DNAH9: variants seen among roughly 807,000 people sequenced by gnomAD.
DNAH9 encodes the protein dynein axonemal heavy chain 9.
Under a neutral mutation model 471.6 loss-of-function variants are expected in DNAH9, and 345 were observed. That is an observed-to-expected ratio of 0.73 (90% CI 0.67 to 0.80). The LOEUF (loss-of-function observed/expected upper bound fraction) is 0.80, where lower values mean the gene tolerates loss of function less well. Ranked by LOEUF, DNAH9 falls within the 30% of genes least tolerant of loss-of-function variation. DNAH9 has a pLI of 0.00. For missense variants in DNAH9, 5,407 were observed against 5,609.2 expected, an observed-to-expected ratio of 0.96 and a Z score of 1.15; for synonymous variants, 2,093 against 2,123.6, an observed-to-expected ratio of 0.99 and a Z score of 0.40.
chr17:11,959,010 G>T (rs911410009), intron 67 of DNAH9, among the ~76,000 whole-genome samples: 1 of 151,990 alleles, frequency 6.6e-6, no homozygotes, highest in Non-Finnish European at 1.5e-5. Context: ...CCATATTAAT[G>T]TGCTACATTT....
At chr17:11,694,857 CTTCCTTCCTTCCTTCT>C (rs1164747417) in intron 22 of DNAH9, among the ~76,000 whole-genome samples, 68 of 568 alleles carry the variant, frequency 0.12, 31 homozygotes, top group African/African-American at 0.16. Context: ...TCCTTCCTTC[CTTCCTTCCTTCCTTCT>C]TTCTTTCTTT....
chr17:11,751,099 A>G (rs1358205278), intron 32 of DNAH9, among the ~76,000 whole-genome samples: 1 of 152,014 alleles, frequency 6.6e-6, no homozygotes, highest in Non-Finnish European at 1.5e-5. Context: ...GATGACACAT[A>G]CTTGAAAAAC....
intron 65 of DNAH9, 127 bp downstream of exon 65, chr17:11,934,198 C>A: frequency 9.6e-7 from 1 of 1,037,250 alleles, no homozygotes; most frequent in Non-Finnish European, 1.4e-6. Flanking sequence ...CAGGCAGGGG[C>A]TGAGGCAAAA....
At chr17:11,630,772 C>T (rs1026178742) in intron 7 of DNAH9, among the ~76,000 whole-genome samples, 1 of 151,866 alleles carries the variant, frequency 6.6e-6, no homozygotes, top group African/African-American at 2.4e-5. Flanking sequence ...AGGGTAGATC[C>T]TAAGTGTTCT....
In DNAH9 at chr17:11,807,781, G is replaced by T. The variant is rs763406086; in HGVS notation, c.8470G>T (p.Val2824Phe). 1 of 1,613,866 alleles carries T rather than the reference G, an allele frequency of 6.2e-7. No homozygotes were observed. Among genetic ancestry groups the T allele is most frequent in the Non-Finnish European group, 8.5e-7 (1 of 1,179,800 alleles). The change falls in exon 44 of 69, where the codon GTT becomes TTT. Residue 2824 changes from valine to phenylalanine, a missense_variant. Val to Phe is a conservative substitution (Grantham distance 50). Transcript: ENST00000262442. The stretch of plus-strand genomic sequence containing the variant: ...GTCCCCGCGGGGAAATGCTCTGCTG[G>T]TTGGTGTAGGTGGGAGCGGCAAGCA... Reference protein sequence around the residue: ...LESPRGNALLVGVGGSGKQSL... With the variant: ...LESPRGNALLFGVGGSGKQSL...
At chr17:11,797,517 GCAAAT>G in intron 42 of DNAH9, 75 bp from the exon 43 acceptor site, 1 of 1,208,826 alleles carries the variant, frequency 8.3e-7, no homozygotes, top group East Asian at 2.4e-5. Flanking sequence ...AATGTGCAGA[GCAAAT>G]CAGGTGTCTC....
chr17:11,854,060 A>C lies in DNAH9; in HGVS notation c.9565A>C (p.Ser3189Arg). 2 of 1,614,172 alleles carry C rather than the reference A, an allele frequency of 1.2e-6. No individual in the cohort carries two copies. The highest frequency in any genetic ancestry group is 1.7e-6 in the Non-Finnish European group (2 of 1,180,038). The change falls in exon 50 of 69, where the codon AGC becomes CGC. Residue 3189 changes from serine to arginine, a missense_variant. This residue lies in a region of DNAH9 where 4,636 missense variants were observed against 4,900.3 expected (regional missense o/e 0.95). Transcript: ENST00000262442. ...GSPPLAVSNV[S>R]AAVMVLMAPR... ...TCCGCCTCTGGCCGTCAGCAATGTC[A>C]GCGCTGCGGTGATGGTACTGATGGC...
At chr17:11,875,218 C>T (rs1473852493) in intron 53 of DNAH9, 34 bp downstream of exon 53, 3 of 1,569,474 alleles carry the variant, frequency 1.9e-6, no homozygotes, top group Middle Eastern at 1.7e-4. Context: ...CCCACTTTAG[C>T]CATTTGTGCA....
rs527436840 is a variant in DNAH9 at position 11,880,094 on chromosome 17, G to C, written c.10495G>C (p.Glu3499Gln). 3.2e-5 allele frequency: 51 copies of C among 1,613,910 alleles called. No individual in the cohort carries two copies. The South Asian group carries it at 5.2e-4, about 16-fold the overall frequency. The part of the protein sequence containing the change: ...IGQKGYLQII[E>Q]QALEAGAVVL... ...TTTCCCTAGCTACCTTCAAATCATA[G>C]AGCAGGCCCTGGAAGCTGGAGCTGT... Residue 3499 changes from glutamate (E) to glutamine (Q), a missense_variant, in exon 54 of 69, where the codon GAG (glutamate) becomes CAG (glutamine). Around this residue, in one of 3 missense-constraint regions of DNAH9, gnomAD observed 4,636 missense variants for 4,900.3 expected, o/e 0.95. Coordinates refer to ENST00000262442, the MANE Select transcript of DNAH9 (RefSeq NM_001372.4).
chr17:11,690,998 C>T (rs2074325252), intron 20 of DNAH9, among the ~76,000 whole-genome samples: 1 of 152,138 alleles, frequency 6.6e-6, no homozygotes, highest in Admixed American at 6.5e-5. Context: ...ATTAATGTGC[C>T]ATTAACTTAC....
At chr17:11,768,670 C>G (rs761967717) in intron 37 of DNAH9, 44 bp downstream of exon 37, 2 of 1,594,924 alleles carry the variant, frequency 1.3e-6, no homozygotes, top group South Asian at 2.2e-5. Flanking sequence ...CAGTTGCCCT[C>G]AAGGATCTGC....
intron 49 of DNAH9, among the ~76,000 whole-genome samples, chr17:11,843,855 G>GTATATATATATATA (rs1329330705): frequency 2.2e-4 from 2 of 9,240 alleles, no homozygotes; most frequent in South Asian, 8.9e-3. Context: ...GTGTGTGTGT[G>GTATATATATATATA]TGTGTGTGTA....
At chr17:11,786,423 G>A (rs144240659) in intron 41 of DNAH9, among the ~76,000 whole-genome samples, 86 of 152,258 alleles carry the variant, frequency 5.6e-4, no homozygotes, top group Non-Finnish European at 1.0e-3. Context: ...GGAGAGATGA[G>A]GTTGGAAAGG....
intron 32 of DNAH9, among the ~76,000 whole-genome samples, chr17:11,751,298 C>T (rs1036395663): frequency 5.9e-5 from 9 of 151,876 alleles, no homozygotes; most frequent in Non-Finnish European, 1.3e-4. Context: ...TTAATATCAA[C>T]TTTTATGTGG....
chr17:11,777,792 AAGAC>A (rs1406311104), intron 38 of DNAH9, among the ~76,000 whole-genome samples: 1 of 152,236 alleles, frequency 6.6e-6, no homozygotes, highest in African/African-American at 2.4e-5. Flanking sequence ...TTATTACAGA[AAGAC>A]AGCTCTCTCC....
rs772989139 is a variant in DNAH9 at position 11,705,137 on chromosome 17, A to G, written c.5504A>G (p.Glu1835Gly). The change falls in exon 26 of 69, where the codon GAG becomes GGG. Residue 1835 changes from glutamate to glycine, a missense_variant. Glu to Gly is a moderately conservative substitution (Grantham distance 98). This residue lies in a region of DNAH9 where 4,636 missense variants were observed against 4,900.3 expected (regional missense o/e 0.95). Transcript: ENST00000262442. ...ICDAQFLYSY[E>G]YLGNTPRLVI... ...GATGCCCAGTTTTTGTATTCCTATG[A>G]GTACCTGGGAAACACACCTCGCTTG... The G allele has an allele frequency of 1.9e-6, 3 of 1,614,138 alleles. No homozygotes were observed. The South Asian group carries it at 3.3e-5, about 18-fold the overall frequency.
chr17:11,660,750 A>G (rs929590846), intron 14 of DNAH9, among the ~76,000 whole-genome samples: 6 of 152,094 alleles, frequency 3.9e-5, no homozygotes, highest in Non-Finnish European at 8.8e-5. Context: ...CAGAGAAGAT[A>G]CTCTGTAAGC....
In DNAH9 at chr17:11,694,422, T is replaced by C; in HGVS notation, c.4847T>C (p.Leu1616Pro). 1.2e-6 allele frequency: 2 copies of C among 1,613,222 alleles called. No homozygotes were observed. The highest frequency in any genetic ancestry group is 1.7e-6 in the Non-Finnish European group (2 of 1,179,804). ...FLSSSDLLDI[L>P]SNGTAPQQVQ... ...TCCTCCTCCGATCTGTTAGACATCC[T>C]TTCCAACGGCACAGCTCCACAACAG... is the stretch of plus-strand genomic sequence containing the variant. The change falls in exon 22 of 69, where the codon CTT becomes CCT. Residue 1616 changes from leucine (L) to proline (P), a missense_variant. By Grantham distance (98) the Leu-to-Pro change is moderately conservative. Around this residue, in one of 3 missense-constraint regions of DNAH9, gnomAD observed 4,636 missense variants for 4,900.3 expected, o/e 0.95. Coordinates refer to ENST00000262442, the MANE Select transcript of DNAH9 (RefSeq NM_001372.4).
intron 49 of DNAH9, among the ~76,000 whole-genome samples, chr17:11,839,957 T>A (rs1005385463): frequency 1.3e-5 from 2 of 152,182 alleles, no homozygotes; most frequent in African/African-American, 4.8e-5. Flanking sequence ...TTGTGCACTG[T>A]TGGTGAGGAT....
Sources: gnomAD v4.1 joint callset for allele counts (sites outside exome capture counted in the v4.1 genomes callset) on GRCh38, gnomAD v4.1.1 for gene constraint, gnomAD v4.1.1 regional missense constraint, MANE v1.5 for transcripts, NCBI Gene and HGNC (gene_info 2026-07-23, HGNC 2026-07-21) for gene names.